KNL1: variants seen among roughly 807,000 people sequenced by gnomAD.
The protein encoded by KNL1 is kinetochore scaffold 1.
A neutral mutation model predicts 201.3 loss-of-function variants in KNL1; 66 were observed. The ratio of observed to expected loss-of-function variants is 0.33; its 90% CI spans 0.27 to 0.40. The LOEUF is 0.40. Ranked by LOEUF, KNL1 falls within the 10% of genes least tolerant of loss-of-function variation. The probability of loss-of-function intolerance (pLI) is 1.00; values close to 1 mark genes in which losing one functional copy is unlikely to be tolerated. For missense variants in KNL1, 2,815 were observed against 2,690.5 expected (o/e 1.05, Z -1.02); for synonymous variants, 895 against 899.2 (o/e 1.00, Z 0.08).
intron 14 of KNL1, chr15:40,642,803 T>C (rs1485160125): frequency 6.6e-6 from 1 of 152,200 alleles, no homozygotes; most frequent in Non-Finnish European, 1.5e-5. Context: ...AATTTTTGTA[T>C]TTTTAGTAGA....
chr15:40,607,948 A>G (rs1715669460), intron 4 of KNL1, among the ~76,000 whole-genome samples: 1 of 152,206 alleles, frequency 6.6e-6, no homozygotes, highest in African/African-American at 2.4e-5. Flanking sequence ...ACTTCTGGAT[A>G]TATATCCAAA....
intron 13 of KNL1, among the ~76,000 whole-genome samples, chr15:40,633,463 A>G (rs1892972443): frequency 1.3e-5 from 2 of 152,178 alleles, no homozygotes; most frequent in Admixed American, 1.3e-4. Flanking sequence ...AGTACATATA[A>G]TTATGTACAG....
rs375363329 is a variant in KNL1, at chr15:40,622,848, A to C, written c.2584A>C (p.Ile862Leu). 6.2e-7 allele frequency: 1 copy of C among 1,613,720 alleles called. No individual in the cohort carries two copies. The highest frequency in any genetic ancestry group is 2.2e-5 in the East Asian group (1 of 44,872). Residue 862 changes from isoleucine (I) to leucine (L), a missense_variant, in exon 10 of 26, where the codon ATT becomes CTT. Transcript: ENST00000399668. Reference sequence around the variant, plus strand: ...TGGTGGACCAAAAATTGATAAGACTATTGTATTTTCAGAAGACGATAAGAA... The same window carrying C: ...TGGTGGACCAAAAATTGATAAGACTCTTGTATTTTCAGAAGACGATAAGAA... ...SVGGPKIDKT[I>L]VFSEDDKNDM...
At chr15:40,604,622 C>G (rs950359784) in intron 2 of KNL1, among the ~76,000 whole-genome samples, 2 of 152,214 alleles carry the variant, frequency 1.3e-5, no homozygotes, top group African/African-American at 4.8e-5. Flanking sequence ...CGTGGCAACA[C>G]TGGGCTCCTA....
At position 40,620,802 on chromosome 15, in the gene KNL1, A is replaced by T; in HGVS notation, c.538A>T (p.Thr180Ser). 2 of 1,612,024 alleles carry T rather than the reference A, an allele frequency of 1.2e-6. No homozygotes were observed. The highest frequency in any genetic ancestry group is 1.7e-6 in the Non-Finnish European group (2 of 1,179,476). ...ISEKSTKIDTTSFLANLKLHT... is the reference protein window; with the variant it reads ...ISEKSTKIDTSSFLANLKLHT... ...TGAAAAGTCCACCAAGATAGATACC[A>T]CATCATTTCTAGCTAATTTAAAGCT... is the stretch of plus-strand genomic sequence containing the variant. Residue 180 changes from threonine to serine, a missense_variant, in exon 10 of 26, where the codon ACA becomes TCA. This residue lies in a region of KNL1 where 2,464 missense variants were observed against 2,291.7 expected (regional missense o/e 1.08). Coordinates refer to ENST00000399668, the MANE Select transcript of KNL1 (RefSeq NM_144508.5).
In KNL1 at chr15:40,622,756, A is replaced by G; in HGVS notation, c.2492A>G (p.Glu831Gly). 1 of 1,608,970 alleles carries G rather than the reference A, an allele frequency of 6.2e-7. No homozygotes were observed. ...SNCIMDVLED[E>G]SVQKPKFPKE... The stretch of plus-strand genomic sequence containing the variant: ...TGTATTATGGATGTGTTAGAGGACG[A>G]AAGTGTACAGAAACCTAAATTTCCA... The change falls in exon 10 of 26, where the codon GAA becomes GGA. Residue 831 changes from glutamate (E) to glycine (G), a missense_variant. Glu to Gly is a moderately conservative substitution (Grantham distance 98). Coordinates refer to ENST00000399668, the MANE Select transcript of KNL1 (RefSeq NM_144508.5).
intron 24 of KNL1, 38 bp downstream of exon 24, chr15:40,657,511 T>TA (rs1893770122): frequency 9.4e-7 from 1 of 1,063,162 alleles, no homozygotes; most frequent in Non-Finnish European, 1.5e-6. Context: ...CATGACAGAG[T>TA]ACTACAAATT....
At chr15:40,637,431 A>T (rs1431109865) in intron 13 of KNL1, among the ~76,000 whole-genome samples, 1 of 149,696 alleles carries the variant, frequency 6.7e-6, no homozygotes. Context: ...ATGTCTGGTG[A>T]TGACGTGTAT....
At chr15:40,643,538 G>T (rs910793031) in intron 14 of KNL1, among the ~76,000 whole-genome samples, 2 of 152,150 alleles carry the variant, frequency 1.3e-5, no homozygotes, top group Admixed American at 6.5e-5. Flanking sequence ...CTAGCTACTC[G>T]GGAGGCTAAG....
At chr15:40,651,864 A>G (rs1008768654) in intron 20 of KNL1, 141 bp from the exon 21 acceptor site, 106 of 583,108 alleles carry the variant, frequency 1.8e-4, no homozygotes, top group African/African-American at 1.7e-3. Context: ...TACATCCACA[A>G]TATATGAATT....
intron 5 of KNL1, among the ~76,000 whole-genome samples, chr15:40,609,204 T>G (rs149924921): frequency 2.1e-5 from 3 of 145,608 alleles, no homozygotes; most frequent in Non-Finnish European, 4.5e-5. Flanking sequence ...GGCCAATAGT[T>G]CGAGACTAGC....
intron 13 of KNL1, among the ~76,000 whole-genome samples, chr15:40,638,085 G>A (rs1197851754): frequency 1.3e-5 from 2 of 152,040 alleles, no homozygotes; most frequent in East Asian, 3.9e-4. Flanking sequence ...GGAGACTGAG[G>A]CAGGAGAATT....
Position 40,623,369 on chromosome 15 carries a change from A to G in KNL1, c.3105A>G (p.Glu1035=), listed in dbSNP as rs1892615465. The G allele has an allele frequency of 1.2e-6, 2 of 1,614,004 alleles. No individual in the cohort carries two copies. Among genetic ancestry groups the G allele is most frequent in the African/African-American group, 2.7e-5 (2 of 75,046 alleles). ...CTGTAGAGGTAGCTGATAACATGGA[A>G]TTGTCTAAATCAGCCACTTGCAAAA... ...RGPVEVADNM[E]LSKSATCKNI... The change falls in exon 10 of 26, where the codon GAA becomes GAG. Residue 1035 remains glutamate (E), a synonymous_variant. Coordinates refer to ENST00000399668, the MANE Select transcript of KNL1 (RefSeq NM_144508.5).
intron 25 of KNL1, 41 bp from the exon 26 acceptor site, chr15:40,662,033 C>T (rs376882809): frequency 4.2e-5 from 50 of 1,184,282 alleles, no homozygotes; most frequent in African/African-American, 3.0e-4. Context: ...AGCGAGACTC[C>T]GTCGCAAAAA....
chr15:40,630,000 A>G (rs976278158), intron 13 of KNL1, among the ~76,000 whole-genome samples: 1 of 152,118 alleles, frequency 6.6e-6, no homozygotes, highest in Non-Finnish European at 1.5e-5. Context: ...ATCTAAGGGT[A>G]GCAGAGGTTT....
At chr15:40,659,894 ATGTGTGTGTGTGTGTGTGTG>A (rs776409302) in intron 25 of KNL1, among the ~76,000 whole-genome samples, 5 of 146,872 alleles carry the variant, frequency 3.4e-5, no homozygotes, top group Non-Finnish European at 7.5e-5. Context: ...TGAAGAATTT[ATGTGTGTGTGTGTGTGTGTG>A]TGTGTGTGTG....
rs778309139 is a variant in KNL1, at chr15:40,624,834, A to C, written c.4570A>C (p.Ser1524Arg). The C allele has an allele frequency of 7.4e-6, 12 of 1,613,138 alleles. No individual in the cohort carries two copies. The East Asian group carries it at 2.5e-4, about 33-fold the overall frequency. The stretch of plus-strand genomic sequence containing the variant: ...CTATAATACAGCTCTAGATTTCCAC[A>C]GTAACTCAGACGTAACTAAGCAAGT... ...TNYNTALDFH[S>R]NSDVTKQVIQ... The change falls in exon 10 of 26, where the codon AGT becomes CGT. Residue 1524 changes from serine (S) to arginine (R), a missense_variant. By Grantham distance (110) the Ser-to-Arg change is moderately radical (BLOSUM62 -1). Around this residue, in one of 3 missense-constraint regions of KNL1, gnomAD observed 2,464 missense variants for 2,291.7 expected, o/e 1.08. Transcript: ENST00000399668.
chr15:40,643,561 C>T (rs1390858746), intron 14 of KNL1, among the ~76,000 whole-genome samples: 1 of 152,190 alleles, frequency 6.6e-6, no homozygotes, highest in Admixed American at 6.6e-5. Context: ...AAGAGAATTG[C>T]TTGAACCCAG....
intron 22 of KNL1, 128 bp from the exon 23 acceptor site, chr15:40,656,914 G>T: frequency 2.2e-6 from 1 of 455,992 alleles, no homozygotes; most frequent in Middle Eastern, 6.0e-4. Flanking sequence ...AGAAAAAATG[G>T]AGAGAATACT....
Sources: allele counts gnomAD v4.1 joint callset (sites outside exome capture counted in the v4.1 genomes callset), GRCh38; gene constraint gnomAD v4.1.1; regional missense constraint gnomAD v4.1.1; transcripts MANE v1.5; gene names NCBI Gene and HGNC (gene_info 2026-07-23, HGNC 2026-07-21).